Variants in ERBB4 observed in about 807,000 individuals in gnomAD.
ERBB4 encodes the protein receptor tyrosine-protein kinase erbB-4.
ERBB4 carries 42 observed loss-of-function variants against 158.0 expected under a neutral mutation model. The ratio of observed to expected loss-of-function variants is 0.27; its 90% CI spans 0.21 to 0.34. The LOEUF is 0.34. Among genes scored for constraint, ERBB4 ranks in the 10% least tolerant of loss-of-function variants. The pLI is 1.00. For missense variants in ERBB4, 1,333 were observed against 1,624.1 expected (o/e 0.82, Z 3.08); for synonymous variants, 583 against 558.7 (o/e 1.04, Z -0.61).
chr2:212,349,403 G>C lies in ERBB4; in HGVS notation c.82+189046C>G, dbSNP rs150186680. 9.4e-4 allele frequency among the ~76,000 whole-genome samples: 143 copies of C among 151,968 alleles called. 1 individual carries two copies. Among genetic ancestry groups the C allele is most frequent in the Non-Finnish European group, 1.4e-3 (96 of 67,962 alleles). ...ACATATTGGACATTTCCACACACTGGAAAGGTTTATTGAACAACAGTTGTT... is the reference window on the plus strand; with the variant it reads ...ACATATTGGACATTTCCACACACTGCAAAGGTTTATTGAACAACAGTTGTT... On this transcript the variant is annotated intron_variant, in intron 1 of 27. Coordinates refer to ENST00000342788, the MANE Select transcript of ERBB4 (RefSeq NM_005235.3).
At chr2:211,513,732 G>A (rs951722187) in intron 20 of ERBB4, among the ~76,000 whole-genome samples, 1 of 152,020 alleles carries the variant, frequency 6.6e-6, no homozygotes, top group African/African-American at 2.4e-5. Context: ...CCCTGTCTAC[G>A]CTTTGTTAAC....
At chr2:212,224,566 C>A (rs10172672) in intron 1 of ERBB4, among the ~76,000 whole-genome samples, 57,931 of 151,598 alleles carry the variant, frequency 0.38, 12,921 homozygotes, top group East Asian at 0.76. Flanking sequence ...TTCACACACA[C>A]AAGAAAAGGA....
intron 1 of ERBB4, among the ~76,000 whole-genome samples, chr2:212,468,409 G>T (rs939377275): frequency 5.3e-5 from 8 of 152,052 alleles, no homozygotes; most frequent in Non-Finnish European, 8.8e-5. Context: ...GGGGTGAGCT[G>T]TTCTTGTAAC....
At chr2:211,635,603 A>C (rs1421379895) in intron 16 of ERBB4, among the ~76,000 whole-genome samples, 3 of 152,140 alleles carry the variant, frequency 2.0e-5, no homozygotes, top group African/African-American at 7.2e-5. Context: ...ATGTCAGACC[A>C]CAAAAAAAAT....
At chr2:212,132,805 A>ATG (rs921260010) in intron 1 of ERBB4, among the ~76,000 whole-genome samples, 4 of 151,990 alleles carry the variant, frequency 2.6e-5, no homozygotes, top group Admixed American at 6.6e-5. Flanking sequence ...TATAGCATAT[A>ATG]TGTGTGTGTG....
intron 3 of ERBB4, among the ~76,000 whole-genome samples, chr2:211,853,274 A>G (rs16847065): frequency 0.22 from 33,332 of 151,856 alleles, 3,796 homozygotes; most frequent in South Asian, 0.33. Flanking sequence ...TAGTACATCA[A>G]TGAGTGAATA....
intron 25 of ERBB4, among the ~76,000 whole-genome samples, chr2:211,418,493 T>C (rs1314617505): frequency 6.6e-6 from 1 of 152,132 alleles, no homozygotes; most frequent in African/African-American, 2.4e-5. Flanking sequence ...TAAGAAATGA[T>C]GGCTAAAGGT....
intron 7 of ERBB4, among the ~76,000 whole-genome samples, chr2:211,716,362 C>CA (rs534486221): frequency 0.012 from 804 of 69,160 alleles, 78 homozygotes; most frequent in African/African-American, 0.038. Flanking sequence ...AACTCTGTCT[C>CA]AAAAAAAAAA....
At chr2:212,170,111 C>CT (rs2081470577) in intron 1 of ERBB4, among the ~76,000 whole-genome samples, 1 of 152,112 alleles carries the variant, frequency 6.6e-6, no homozygotes, top group Admixed American at 6.6e-5. Context: ...ATACAGGAAA[C>CT]TATGGAAAAG....
At chr2:211,908,391 C>T (rs181944537) in intron 3 of ERBB4, among the ~76,000 whole-genome samples, 82 of 151,814 alleles carry the variant, frequency 5.4e-4, no homozygotes, top group African/African-American at 1.9e-3. Flanking sequence ...AGAACAATTA[C>T]GTAGATTTTC....
rs142835112 is a variant in ERBB4 at position 211,652,274 on chromosome 2, C to G, written c.1946+5480G>C. On this transcript the variant is annotated intron_variant, in intron 16 of 27. Transcript: ENST00000342788. The stretch of plus-strand genomic sequence containing the variant: ...GTGGAAAAGAAGAGATTCACACACT[C>G]TCCTTCACCTCTTCAAACTCTCTTT... 9.2e-5 allele frequency among the ~76,000 whole-genome samples: 14 copies of G among 152,312 alleles called. No individual in the cohort carries two copies. In the East Asian group the frequency reaches 2.7e-3, roughly 29 times the overall value.
intron 1 of ERBB4, among the ~76,000 whole-genome samples, chr2:212,375,714 A>C (rs146621151): frequency 9.2e-5 from 14 of 152,268 alleles, no homozygotes; most frequent in Non-Finnish European, 1.9e-4. Context: ...CTAACTTGAT[A>C]TATCATGTCT....
At chr2:211,923,849 A>G (rs2079941528) in intron 3 of ERBB4, among the ~76,000 whole-genome samples, 1 of 152,050 alleles carries the variant, frequency 6.6e-6, no homozygotes, top group Non-Finnish European at 1.5e-5. Flanking sequence ...CAGCCTCCCA[A>G]GCAGCTGGGA....
At chr2:212,272,117 C>T (rs1159735527) in intron 1 of ERBB4, among the ~76,000 whole-genome samples, 1 of 151,514 alleles carries the variant, frequency 6.6e-6, no homozygotes, top group Non-Finnish European at 1.5e-5. Context: ...TTAACACTAC[C>T]TGTTTATAAG....
chr2:211,827,424 C>A (rs1484633716), intron 3 of ERBB4, among the ~76,000 whole-genome samples: 1 of 151,942 alleles, frequency 6.6e-6, no homozygotes, highest in African/African-American at 2.4e-5. Context: ...ATCCACATAC[C>A]ACTTAGTTTG....
intron 1 of ERBB4, among the ~76,000 whole-genome samples, chr2:212,282,644 T>G (rs2085801814): frequency 6.6e-6 from 1 of 151,924 alleles, no homozygotes. Flanking sequence ...GTTTTCCAGC[T>G]TGGCTAACCT....
chr2:212,406,248 C>T (rs1469553640), intron 1 of ERBB4, among the ~76,000 whole-genome samples: 2 of 152,142 alleles, frequency 1.3e-5, no homozygotes, highest in African/African-American at 2.4e-5. Flanking sequence ...AAGTTTAAGA[C>T]ATGTGTGCCT....
At chr2:212,122,379 AG>A (rs2079783950) in intron 2 of ERBB4, among the ~76,000 whole-genome samples, 1 of 107,570 alleles carries the variant, frequency 9.3e-6, no homozygotes, top group African/African-American at 3.1e-5. Context: ...TTTATAAAAA[AG>A]ATATGTGGAA....
intron 3 of ERBB4, among the ~76,000 whole-genome samples, chr2:211,852,554 G>C (rs1575248538): frequency 6.6e-6 from 1 of 150,990 alleles, no homozygotes; most frequent in East Asian, 2.0e-4. Flanking sequence ...ACATTGTTTT[G>C]TTCAACATCA....
Sources: gnomAD v4.1 joint callset for allele counts (sites outside exome capture counted in the v4.1 genomes callset) on GRCh38, gnomAD v4.1.1 for gene constraint, MANE v1.5 for transcripts, NCBI Gene and HGNC (gene_info 2026-07-23, HGNC 2026-07-21) for gene names.